CRX: variants seen among roughly 807,000 people sequenced by gnomAD.
CRX encodes the protein cone-rod homeobox.
Under a neutral mutation model 13.1 loss-of-function variants are expected in CRX, and 5 were observed. The ratio of observed to expected loss-of-function variants is 0.38; its 90% CI spans 0.20 to 0.80. CRX has a LOEUF of 0.80. Ranked by LOEUF, CRX falls within the 30% of genes least tolerant of loss-of-function variation. CRX has a pLI of 0.43. For synonymous variants in CRX, 179 were observed against 171.1 expected (o/e 1.05, Z -0.36); for missense variants, 351 against 391.8 (o/e 0.90, Z 0.88).
intron 1 of CRX, among the ~76,000 whole-genome samples, chr19:47,831,829 G>A (rs994330070): frequency 4.6e-5 from 7 of 152,048 alleles, no homozygotes; most frequent in African/African-American, 1.7e-4. Context: ...TGCAACCTCT[G>A]CCTCCCGGGC....
At position 47,839,479 on chromosome 19, in the gene CRX, A is replaced by T; in HGVS notation, c.412A>T (p.Ile138Phe). The change falls in exon 4 of 4, where the codon ATC (isoleucine) becomes TTC (phenylalanine). Residue 138 changes from isoleucine (I) to phenylalanine (F), a missense_variant. By Grantham distance (21) the Ile-to-Phe change is conservative. Transcript: ENST00000221996. The surrounding 1 kb of genome is among the most constrained non-coding windows in gnomAD (Gnocchi z 4.6). ...STDVCPDPLG[I>F]SDSYSPPLPG... ...AGATGTGTGTCCAGACCCTCTGGGC[A>T]TCTCAGATTCCTACAGTCCCCCTCT... The T allele has an allele frequency of 6.2e-7, 1 of 1,613,930 alleles. No homozygotes were observed. The highest frequency in any genetic ancestry group is 8.5e-7 in the Non-Finnish European group (1 of 1,179,922).
At position 47,839,947 on chromosome 19, in the gene CRX, T is replaced by C; in HGVS notation, c.880T>C (p.Trp294Arg). 2 of 1,613,816 alleles carry C rather than the reference T, an allele frequency of 1.2e-6. No homozygotes were observed. The highest frequency in any genetic ancestry group is 1.7e-6 in the Non-Finnish European group (2 of 1,179,988). The stretch of plus-strand genomic sequence containing the variant: ...TCTGGACTACAAGGATCAGAGTGCC[T>C]GGAAGTTTCAGATCTTGTAGAGGAC... ...DPLDYKDQSA[W>R]KFQIL is the part of the protein sequence containing the mutation. The change falls in exon 4 of 4, where the codon TGG (tryptophan) becomes CGG (arginine). Residue 294 changes from tryptophan (W) to arginine (R), a missense_variant. Transcript: ENST00000221996. This position sits in a 1 kb window ranked among gnomAD's most constrained non-coding sequence, Gnocchi z 4.6.
chr19:47,825,682 G>A (rs921475126), intron 1 of CRX, among the ~76,000 whole-genome samples: 3 of 151,906 alleles, frequency 2.0e-5, no homozygotes, highest in Non-Finnish European at 2.9e-5. Context: ...CACTTAGGGA[G>A]GCCGAGGTGG....
At chr19:47,838,558 G>A (rs12461205) in intron 3 of CRX, among the ~76,000 whole-genome samples, 29,188 of 152,100 alleles carry the variant, frequency 0.19, 3,060 homozygotes, top group Non-Finnish European at 0.24. Context: ...TGATGTATGC[G>A]TGTATGATGC....
At chr19:47,831,970 C>G (rs575186709) in intron 1 of CRX, among the ~76,000 whole-genome samples, 5 of 150,878 alleles carry the variant, frequency 3.3e-5, no homozygotes, top group African/African-American at 9.9e-5. Context: ...AACTCCCGAC[C>G]TCAGGTGATC....
intron 1 of CRX, among the ~76,000 whole-genome samples, 196 bp from the exon 2 acceptor site, chr19:47,834,211 CAG>C (rs1968088480): frequency 6.6e-6 from 1 of 152,182 alleles, no homozygotes; most frequent in African/African-American, 2.4e-5. Context: ...GTCTGCTTTG[CAG>C]AGTCTCAAGA....
At chr19:47,831,774 C>T (rs1049734522) in intron 1 of CRX, among the ~76,000 whole-genome samples, 2 of 152,060 alleles carry the variant, frequency 1.3e-5, no homozygotes, top group African/African-American at 4.8e-5. Context: ...TGAAGTCTTG[C>T]TCTTGTCTCC....
chr19:47,836,513 G>A, intron 3 of CRX, 119 bp downstream of exon 3: 1 of 1,337,656 alleles, frequency 7.5e-7, no homozygotes, highest in Non-Finnish European at 1.1e-6. Flanking sequence ...AGTTATAAAG[G>A]GGACAATAAT....
chr19:47,830,780 A>G (rs1390062470), intron 1 of CRX, among the ~76,000 whole-genome samples: 1 of 144,624 alleles, frequency 6.9e-6, no homozygotes, highest in Non-Finnish European at 1.5e-5. Flanking sequence ...TGGGCGACAG[A>G]ACAAGACTCC....
chr19:47,828,458 T>C (rs1446521353), intron 1 of CRX, among the ~76,000 whole-genome samples: 2 of 152,096 alleles, frequency 1.3e-5, no homozygotes, highest in South Asian at 4.1e-4. Context: ...ATGTTTCAAA[T>C]ATTTATTGGG....
intron 1 of CRX, among the ~76,000 whole-genome samples, chr19:47,829,628 G>A (rs917805102): frequency 2.0e-5 from 3 of 151,894 alleles, no homozygotes; most frequent in African/African-American, 7.3e-5. Context: ...ACTGCACCTG[G>A]CCTATTTATT....
At chr19:47,824,488 T>C (rs1001679585) in intron 1 of CRX, among the ~76,000 whole-genome samples, 2 of 152,174 alleles carry the variant, frequency 1.3e-5, no homozygotes, top group East Asian at 1.9e-4. Context: ...AGAAGCCGCC[T>C]GGGAGGAAGT....
intron 1 of CRX, among the ~76,000 whole-genome samples, chr19:47,824,407 G>A (rs983647335): frequency 6.6e-6 from 1 of 152,262 alleles, no homozygotes; most frequent in East Asian, 1.9e-4. Context: ...TGCCGCTGAC[G>A]TGCGAGACAG....
At position 47,839,915 on chromosome 19, in the gene CRX, T is replaced by C; in HGVS notation, c.848T>C (p.Met283Thr). Reference protein sequence around the residue: ...TGTWKFTYNPMDPLDYKDQSA... With the variant: ...TGTWKFTYNPTDPLDYKDQSA... ...ACCTGGAAATTCACCTACAATCCCA[T>C]GGACCCTCTGGACTACAAGGATCAG... The change falls in exon 4 of 4, where the codon ATG becomes ACG. Residue 283 changes from methionine (M) to threonine (T), a missense_variant. Met to Thr is a moderately conservative substitution (Grantham distance 81). This residue lies in a region of CRX where 253 missense variants were observed against 268.3 expected (regional missense o/e 0.94). Coordinates refer to ENST00000221996, the MANE Select transcript of CRX (RefSeq NM_000554.6). The surrounding 1 kb of genome is among the most constrained non-coding windows in gnomAD (Gnocchi z 4.6). 1.2e-6 allele frequency: 2 copies of C among 1,614,010 alleles called. No homozygotes were observed. Among genetic ancestry groups the C allele is most frequent in the South Asian group, 1.1e-5 (1 of 91,078 alleles).
intron 1 of CRX, among the ~76,000 whole-genome samples, chr19:47,824,658 G>C (rs1343053782): frequency 6.6e-6 from 1 of 152,080 alleles, no homozygotes; most frequent in Non-Finnish European, 1.5e-5. Flanking sequence ...CTGTAGAATG[G>C]AGTTATCTGC....
chr19:47,835,683 A>G (rs1468601663), intron 2 of CRX, among the ~76,000 whole-genome samples: 1 of 135,650 alleles, frequency 7.4e-6, no homozygotes, highest in African/African-American at 2.9e-5. Context: ...GTGCAGTGGC[A>G]TAATCTTGGC....
At chr19:47,836,726 GA>G (rs1298014404) in intron 3 of CRX, among the ~76,000 whole-genome samples, 2 of 152,172 alleles carry the variant, frequency 1.3e-5, no homozygotes, top group Non-Finnish European at 1.5e-5. Context: ...ATCCATCAGT[GA>G]GACCCACACT....
intron 2 of CRX, among the ~76,000 whole-genome samples, chr19:47,834,980 C>T (rs11671190): frequency 3.3e-5 from 5 of 149,340 alleles, no homozygotes; most frequent in African/African-American, 7.4e-5. Flanking sequence ...TGCCTAGGCC[C>T]GGGGGGCACT....
At position 47,839,295 on chromosome 19, in the gene CRX, C is replaced by T; in HGVS notation, c.253-25C>T. The T allele has an allele frequency of 6.2e-7, 1 of 1,608,818 alleles. No homozygotes were observed. Among genetic ancestry groups the T allele is most frequent in the African/African-American group, 1.3e-5 (1 of 74,856 alleles). ...CTGGGCCTCTTCCCCACTTACCCAC[C>T]CCCATCTCCGCTCTTATCCCCCAGG... On this transcript the variant is annotated intron_variant, in intron 3 of 3. Coordinates refer to ENST00000221996, the MANE Select transcript of CRX (RefSeq NM_000554.6). The surrounding 1 kb of genome is among the most constrained non-coding windows in gnomAD (Gnocchi z 4.6).
Sources: gnomAD v4.1 joint callset for allele counts (sites outside exome capture counted in the v4.1 genomes callset) on GRCh38, gnomAD v4.1.1 for gene constraint, gnomAD v4.1.1 regional missense constraint, Gnocchi (gnomAD v3.1) non-coding constraint, MANE v1.5 for transcripts, NCBI Gene and HGNC (gene_info 2026-07-23, HGNC 2026-07-21) for gene names.